Variants in EPHA7 observed in about 807,000 individuals in gnomAD.
The protein encoded by EPHA7 is ephrin type-A receptor 7.
In EPHA7, 25 loss-of-function variants were observed where a neutral mutation model predicts 112.6. That is an observed-to-expected ratio of 0.22 (90% confidence interval 0.16 to 0.31). EPHA7 has a LOEUF of 0.31. Ranked by LOEUF, EPHA7 falls within the 10% of genes least tolerant of loss-of-function variation. The pLI is 1.00. For synonymous variants in EPHA7, 437 were observed against 406.5 expected, an observed-to-expected ratio of 1.07 and a Z score of -0.90; for missense variants, 962 against 1,212.6, an observed-to-expected ratio of 0.79 and a Z score of 3.07.
chr6:93,373,797 T>G (rs1311283204), intron 3 of EPHA7, among the ~76,000 whole-genome samples: 1 of 151,910 alleles, frequency 6.6e-6, no homozygotes, highest in Non-Finnish European at 1.5e-5. Flanking sequence ...AAGCTTAACA[T>G]AAGTGTGCCA....
chr6:93,394,985 C>A (rs1200794012), intron 3 of EPHA7, among the ~76,000 whole-genome samples: 1 of 151,784 alleles, frequency 6.6e-6, no homozygotes, highest in African/African-American at 2.4e-5. Context: ...TTATGTACAG[C>A]ATTTTTCTTA....
intron 3 of EPHA7, among the ~76,000 whole-genome samples, chr6:93,387,974 G>GA (rs1236287802): frequency 6.7e-6 from 1 of 149,592 alleles, no homozygotes; most frequent in African/African-American, 2.5e-5. Flanking sequence ...TAGATAGATA[G>GA]ATAGAATAGA....
chr6:93,322,313 A>G (rs1200705112), intron 5 of EPHA7, among the ~76,000 whole-genome samples: 1 of 151,780 alleles, frequency 6.6e-6, no homozygotes, highest in African/African-American at 2.4e-5. Context: ...AGCATTAATT[A>G]CTATTCTTTT....
At chr6:93,369,372 T>C (rs1388029231) in intron 3 of EPHA7, among the ~76,000 whole-genome samples, 1 of 152,166 alleles carries the variant, frequency 6.6e-6, no homozygotes, top group African/African-American at 2.4e-5. Context: ...TTTGTATCCA[T>C]TATCCTACTA....
intron 5 of EPHA7, among the ~76,000 whole-genome samples, chr6:93,337,115 A>G (rs1774916381): frequency 6.6e-6 from 1 of 152,166 alleles, no homozygotes; most frequent in Admixed American, 6.6e-5. Context: ...AACAGAAGAG[A>G]ATATTGCTGC....
chr6:93,256,659 C>T (rs11964500), intron 12 of EPHA7, among the ~76,000 whole-genome samples: 3,525 of 152,120 alleles, frequency 0.023, 54 homozygotes, highest in African/African-American at 0.046. Flanking sequence ...CTGGCCACTT[C>T]CAACCCATTT....
intron 5 of EPHA7, among the ~76,000 whole-genome samples, chr6:93,338,895 A>T (rs1775005584): frequency 6.7e-6 from 1 of 150,174 alleles, no homozygotes; most frequent in African/African-American, 2.4e-5. Context: ...ATATCTCTAT[A>T]TATCTCTATA....
intron 5 of EPHA7, among the ~76,000 whole-genome samples, chr6:93,304,127 G>A (rs1278245957): frequency 6.6e-6 from 1 of 150,734 alleles, no homozygotes; most frequent in African/African-American, 2.4e-5. Context: ...ATTCTAGAAT[G>A]GATTGGCTGT....
At chr6:93,287,998 GTGC>G (rs1772157557) in intron 5 of EPHA7, among the ~76,000 whole-genome samples, 1 of 152,122 alleles carries the variant, frequency 6.6e-6, no homozygotes, top group South Asian at 2.1e-4. Context: ...ATGCAAAGTG[GTGC>G]AGCCACTATG....
At chr6:93,244,643 A>G (rs1769864232) in intron 16 of EPHA7, among the ~76,000 whole-genome samples, 1 of 152,086 alleles carries the variant, frequency 6.6e-6, no homozygotes, top group South Asian at 2.1e-4. Context: ...GTTCATAGAA[A>G]TTTCAAAAGT....
intron 3 of EPHA7, among the ~76,000 whole-genome samples, chr6:93,400,229 A>G (rs1582670561): frequency 6.6e-6 from 1 of 152,104 alleles, no homozygotes; most frequent in East Asian, 1.9e-4. Context: ...ATATTAGGTT[A>G]ATGTCATTAA....
intron 5 of EPHA7, among the ~76,000 whole-genome samples, chr6:93,321,036 C>CT (rs1774045308): frequency 6.6e-6 from 1 of 151,806 alleles, no homozygotes; most frequent in Non-Finnish European, 1.5e-5. Flanking sequence ...ATGAGGAGGG[C>CT]TTATAAAAAG....
At chr6:93,375,156 T>C (rs1776990753) in intron 3 of EPHA7, among the ~76,000 whole-genome samples, 1 of 152,202 alleles carries the variant, frequency 6.6e-6, no homozygotes, top group African/African-American at 2.4e-5. Context: ...CTGTTTTCCT[T>C]CTGTTATTGA....
intron 5 of EPHA7, among the ~76,000 whole-genome samples, chr6:93,291,450 T>G (rs1367999568): frequency 6.6e-6 from 1 of 152,172 alleles, no homozygotes; most frequent in South Asian, 2.1e-4. Context: ...TTGATTAAAC[T>G]TCCATCACTA....
At position 93,410,294 on chromosome 6, in the gene EPHA7, A is replaced by C. The variant is rs1427161775; in HGVS notation, c.832+207T>G. 1.8e-6 allele frequency: 1 copy of C among 555,826 alleles called. No individual in the cohort carries two copies. Among genetic ancestry groups the C allele is most frequent in the African/African-American group, 1.9e-5 (1 of 53,212 alleles). The allele number at this position is 555,826 out of a possible 1,614,324, so 34.4% of individuals were successfully genotyped here. ...ACATTAAATTTTAGTAACAAATTTC[A>C]TTATCACCTATATTGATTACATACA... On this transcript the variant is annotated intron_variant, in intron 3 of 16. Coordinates refer to ENST00000369303, the MANE Select transcript of EPHA7 (RefSeq NM_004440.4). This position sits in a 1 kb window ranked among gnomAD's most constrained non-coding sequence, Gnocchi z 4.0.
In EPHA7 at chr6:93,245,331, T is replaced by C. The variant is rs374288532; in HGVS notation, c.2849A>G (p.Asn950Ser). 4 of 1,613,276 alleles carry C rather than the reference T, an allele frequency of 2.5e-6. No individual in the cohort carries two copies. In the African/African-American group the frequency reaches 4.0e-5, roughly 16 times the overall value. ...CATCCTGGCTACTGATTCAAGGGAA[T>C]TGTAGCCAGCTGCCGTGAAATTATC... ...YKDNFTAAGY[N>S]SLESVARMTI... is the part of the protein sequence containing the mutation. Residue 950 changes from asparagine (N) to serine (S), a missense_variant, in exon 16 of 17, where the codon AAT (asparagine) becomes AGT (serine). Transcript: ENST00000369303.
At chr6:93,255,045 T>C (rs762002256) in intron 13 of EPHA7, among the ~76,000 whole-genome samples, 4 of 151,962 alleles carry the variant, frequency 2.6e-5, no homozygotes, top group Admixed American at 6.6e-5. Context: ...CAAGAGTATA[T>C]TGAACAAACA....
intron 3 of EPHA7, among the ~76,000 whole-genome samples, chr6:93,382,955 T>C (rs1372659632): frequency 6.6e-6 from 1 of 152,162 alleles, no homozygotes; most frequent in Non-Finnish European, 1.5e-5. Context: ...AAAGTGAGTA[T>C]TTGAAACTGC....
intron 5 of EPHA7, among the ~76,000 whole-genome samples, chr6:93,303,405 G>T (rs1773092556): frequency 6.6e-6 from 1 of 152,024 alleles, no homozygotes; most frequent in Non-Finnish European, 1.5e-5. Flanking sequence ...TTCTAATAGG[G>T]GTGGGAAGGG....
Sources: allele counts gnomAD v4.1 joint callset (sites outside exome capture counted in the v4.1 genomes callset), GRCh38; gene constraint gnomAD v4.1.1; non-coding constraint Gnocchi (gnomAD v3.1); transcripts MANE v1.5; gene names NCBI Gene and HGNC (gene_info 2026-07-23, HGNC 2026-07-21).